Variants in MACROD2 observed in about 807,000 individuals in gnomAD.
MACROD2 encodes ADP-ribose glycohydrolase MACROD2.
MACROD2 carries 36 observed loss-of-function variants against 70.4 expected under a neutral mutation model. The observed-to-expected ratio is 0.51, with a 90% confidence interval of 0.39 to 0.68. The LOEUF is 0.68. MACROD2 is among the 30% of genes least tolerant of loss of function. The pLI, the probability that MACROD2 is intolerant of heterozygous loss-of-function variation, is 0.00. For synonymous variants in MACROD2, 172 were observed against 178.8 expected (o/e 0.96, Z 0.30); for missense variants, 496 against 538.4 (o/e 0.92, Z 0.78).
chr20:15,147,665 T>A (rs1306720421), intron 5 of MACROD2, among the ~76,000 whole-genome samples: 2 of 152,128 alleles, frequency 1.3e-5, no homozygotes, highest in African/African-American at 4.8e-5. Context: ...ATTGCCTCTG[T>A]CTGAGTTATT....
chr20:14,087,581 A>G (rs1378568844), intron 3 of MACROD2, among the ~76,000 whole-genome samples: 1 of 151,990 alleles, frequency 6.6e-6, no homozygotes, highest in Admixed American at 6.6e-5. Flanking sequence ...TTTAATTGCC[A>G]CCCAATATGA....
At chr20:14,517,934 A>T (rs1469428461) in intron 4 of MACROD2, among the ~76,000 whole-genome samples, 1 of 151,930 alleles carries the variant, frequency 6.6e-6, no homozygotes, top group Non-Finnish European at 1.5e-5. Context: ...CGAGACTGTT[A>T]TAATGTTTGG....
chr20:15,477,007 A>T (rs1206402600), intron 7 of MACROD2, among the ~76,000 whole-genome samples: 3 of 151,832 alleles, frequency 2.0e-5, no homozygotes, highest in East Asian at 1.9e-4. Flanking sequence ...TCTCTATGGC[A>T]TCTTCTAGAT....
Position 15,696,865 on chromosome 20 carries a change from A to C in MACROD2, c.646-165880A>C, listed in dbSNP as rs59087163. Among the ~76,000 whole-genome samples, 1,260 of 151,834 alleles carry C rather than the reference A, an allele frequency of 8.3e-3. 22 individuals carry two copies. Among genetic ancestry groups the C allele is most frequent in the African/African-American group, 0.028 (1,167 of 41,480 alleles). On this transcript the variant is annotated intron_variant, in intron 8 of 17. Coordinates refer to ENST00000684519, the MANE Select transcript of MACROD2 (RefSeq NM_001351661.2). ...AAAGGTGTCCATAGTAGCCTCGAAT[A>C]ATCTTTTTTTATTTCAGTGGTGTAG...
At chr20:15,701,626 G>A (rs1051999130) in intron 8 of MACROD2, among the ~76,000 whole-genome samples, 2 of 152,102 alleles carry the variant, frequency 1.3e-5, no homozygotes, top group Non-Finnish European at 2.9e-5. Flanking sequence ...ATATAGTTAT[G>A]AATTGATGAT....
chr20:15,054,294 A>G (rs2075465676), intron 5 of MACROD2, among the ~76,000 whole-genome samples: 1 of 152,214 alleles, frequency 6.6e-6, no homozygotes, highest in African/African-American at 2.4e-5. Context: ...TGCATGCTAC[A>G]GAGAATTTTT....
chr20:15,886,585 T>G (rs764978350), intron 10 of MACROD2, among the ~76,000 whole-genome samples: 1 of 152,110 alleles, frequency 6.6e-6, no homozygotes, highest in Non-Finnish European at 1.5e-5. Context: ...TTTGCTCTCA[T>G]TATCAGAATT....
intron 5 of MACROD2, among the ~76,000 whole-genome samples, chr20:15,083,749 C>T (rs186612059): frequency 1.3e-5 from 2 of 152,220 alleles, no homozygotes; most frequent in Admixed American, 6.5e-5. Flanking sequence ...GTTTCTGTTA[C>T]AGGAAATCAT....
chr20:15,266,682 A>AC (rs2077297653), intron 6 of MACROD2, among the ~76,000 whole-genome samples: 2 of 152,222 alleles, frequency 1.3e-5, no homozygotes, highest in Admixed American at 6.5e-5. Flanking sequence ...CACTTCAGTG[A>AC]ATCCCCATCA....
chr20:14,710,433 G>A (rs1463708526), intron 5 of MACROD2, among the ~76,000 whole-genome samples: 4 of 152,136 alleles, frequency 2.6e-5, no homozygotes, highest in Non-Finnish European at 5.9e-5. Context: ...TCATAGTAAG[G>A]GTGCAGTAAA....
chr20:14,472,071 C>T (rs915262937), intron 3 of MACROD2, among the ~76,000 whole-genome samples: 3 of 152,100 alleles, frequency 2.0e-5, no homozygotes, highest in Admixed American at 6.5e-5. Flanking sequence ...AATTAGCATT[C>T]AGGGGAGTTT....
At chr20:16,038,770 C>T (rs73237802) in intron 15 of MACROD2, among the ~76,000 whole-genome samples, 3,218 of 151,966 alleles carry the variant, frequency 0.021, 99 homozygotes, top group African/African-American at 0.065. Flanking sequence ...AGGTAATTTT[C>T]GCATTGAATT....
At chr20:14,644,040 T>TG (rs1985238776) in intron 4 of MACROD2, among the ~76,000 whole-genome samples, 1 of 152,204 alleles carries the variant, frequency 6.6e-6, no homozygotes, top group South Asian at 2.1e-4. Flanking sequence ...AGCTTGCATA[T>TG]AAGTGGGAAA....
chr20:15,024,139 A>G (rs1452604443), intron 5 of MACROD2, among the ~76,000 whole-genome samples: 2 of 152,154 alleles, frequency 1.3e-5, no homozygotes, highest in Admixed American at 1.3e-4. Context: ...CTCCCACCCT[A>G]CATCATTCTG....
chr20:14,519,213 C>T (rs1055232886), intron 4 of MACROD2, among the ~76,000 whole-genome samples: 2 of 152,076 alleles, frequency 1.3e-5, no homozygotes, highest in African/African-American at 2.4e-5. Flanking sequence ...TGCTTGAAAG[C>T]AGGGACAAGG....
At chr20:14,970,925 G>C (rs868370650) in intron 5 of MACROD2, among the ~76,000 whole-genome samples, 130 of 152,130 alleles carry the variant, frequency 8.5e-4, no homozygotes, top group African/African-American at 3.1e-3. Flanking sequence ...CAAAAAAACA[G>C]TGTCTTTAAA....
chr20:15,446,608 C>A (rs1236879746), intron 7 of MACROD2, among the ~76,000 whole-genome samples: 1 of 152,190 alleles, frequency 6.6e-6, no homozygotes, highest in Non-Finnish European at 1.5e-5. Context: ...TTCAACCAAA[C>A]TTGCGAACGC....
intron 8 of MACROD2, among the ~76,000 whole-genome samples, chr20:15,674,437 C>T (rs966881403): frequency 6.6e-6 from 1 of 152,022 alleles, no homozygotes; most frequent in Non-Finnish European, 1.5e-5. Context: ...ATGAAAGAAT[C>T]TGTGAAATAG....
At chr20:15,380,689 G>A (rs1006186616) in intron 6 of MACROD2, among the ~76,000 whole-genome samples, 4 of 152,060 alleles carry the variant, frequency 2.6e-5, no homozygotes, top group African/African-American at 9.7e-5. Context: ...CACGAAATTA[G>A]CCATGATGGA....
Sources: gnomAD v4.1 joint callset for allele counts (sites outside exome capture counted in the v4.1 genomes callset) on GRCh38, gnomAD v4.1.1 for gene constraint, MANE v1.5 for transcripts, NCBI Gene and HGNC (gene_info 2026-07-23, HGNC 2026-07-21) for gene names.